RBPJ: variants seen among roughly 807,000 people sequenced by gnomAD.
RBPJ encodes recombining binding protein suppressor of hairless.
Under a neutral mutation model 67.8 loss-of-function variants are expected in RBPJ, and 9 were observed. The ratio of observed to expected loss-of-function variants is 0.13; its 90% CI spans 0.08 to 0.23. RBPJ has a LOEUF of 0.23. RBPJ is among the 10% of genes least tolerant of loss of function. The pLI, the probability that RBPJ is intolerant of heterozygous loss-of-function variation, is 1.00. For missense variants in RBPJ, 305 were observed against 595.6 expected, an observed-to-expected ratio of 0.51 and a Z score of 5.08; for synonymous variants, 198 against 203.3, an observed-to-expected ratio of 0.97 and a Z score of 0.22.
At position 26,214,232 on chromosome 4, in the gene RBPJ, A is replaced by G. The variant is rs184619467; in HGVS notation, c.-167+50618A>G. On this transcript the variant is annotated intron_variant, in intron 1 of 4. Transcript: ENST00000512351. ...GAGAAAGAAAGCAAAGGAAGGAGAGAAAGAAAGAGAAAAGGGAGAAAAGAG... is the reference window on the plus strand; with the variant it reads ...GAGAAAGAAAGCAAAGGAAGGAGAGGAAGAAAGAGAAAAGGGAGAAAAGAG... Among the ~76,000 whole-genome samples, 262 of 142,980 alleles carry G rather than the reference A, an allele frequency of 1.8e-3. 1 individual carries two copies. The highest frequency in any genetic ancestry group is 6.3e-3 in the African/African-American group (240 of 37,868). The allele number at this position is 142,980 out of a possible 152,430, so 93.8% of individuals were successfully genotyped here. A position where few individuals can be genotyped will look rare whatever the true frequency, so the allele number is the denominator to read the frequency against.
the RBPJ span, among the ~76,000 whole-genome samples, chr4:26,124,415 CATATATATATATATATATATATATAT>C: frequency 0.093 from 5,785 of 62,472 alleles, 502 homozygotes; most frequent in African/African-American, 0.15. Context: ...AGTATTCCAT[CATATATATATATATATATATATATAT>C]ATATATATAT....
At chr4:26,183,749 C>T (rs982948859) in intron 1 of RBPJ, among the ~76,000 whole-genome samples, 3 of 152,182 alleles carry the variant, frequency 2.0e-5, no homozygotes, top group Non-Finnish European at 4.4e-5. Flanking sequence ...GTCGCTCACG[C>T]CTGTAATCCC....
chr4:26,153,895 C>G, the RBPJ span, among the ~76,000 whole-genome samples: 1 of 152,100 alleles, frequency 6.6e-6, no homozygotes, highest in South Asian at 2.1e-4. Flanking sequence ...TTGCAGTGAG[C>G]TGAGATCGTG....
chr4:26,310,102 C>T (rs1722381479), intron 1 of RBPJ, among the ~76,000 whole-genome samples: 1 of 152,140 alleles, frequency 6.6e-6, no homozygotes. Flanking sequence ...GCCAAAAAAT[C>T]CTGTGAAAAA....
chr4:26,237,643 T>G (rs1331648405), intron 1 of RBPJ, among the ~76,000 whole-genome samples: 1 of 152,188 alleles, frequency 6.6e-6, no homozygotes, highest in Non-Finnish European at 1.5e-5. Context: ...GGGGGTTGAA[T>G]CCAGCATTGC....
chr4:26,218,856 C>T (rs765004591), intron 1 of RBPJ, among the ~76,000 whole-genome samples: 1 of 152,068 alleles, frequency 6.6e-6, no homozygotes, highest in African/African-American at 2.4e-5. Context: ...AGGGCCCTAA[C>T]GAGAAACAGG....
intron 5 of RBPJ, among the ~76,000 whole-genome samples, chr4:26,421,122 C>T (rs894544432): frequency 3.3e-5 from 5 of 152,138 alleles, no homozygotes; most frequent in African/African-American, 1.2e-4. Context: ...CTTTGAAAAA[C>T]GCTACCAACT....
At chr4:26,164,481 C>A (rs2109109575) in intron 1 of RBPJ, among the ~76,000 whole-genome samples, 1 of 152,310 alleles carries the variant, frequency 6.6e-6, no homozygotes, top group East Asian at 1.9e-4. Flanking sequence ...GGTCACAAGT[C>A]CCCATGTACC....
At position 26,263,505 on chromosome 4, in the gene RBPJ, G is replaced by A. The variant is rs16878219; in HGVS notation, c.-166-98941G>A. 6.5e-3 allele frequency among the ~76,000 whole-genome samples: 994 copies of A among 152,302 alleles called. 17 individuals are homozygous for A. Among genetic ancestry groups the A allele is most frequent in the African/African-American group, 0.023 (937 of 41,558 alleles). ...ACCTTGCTACAATTGTTATTTTCCAGTTATTTGTGCAATTACATGATTGTT... is the reference window on the plus strand; with the variant it reads ...ACCTTGCTACAATTGTTATTTTCCAATTATTTGTGCAATTACATGATTGTT... On this transcript the variant is annotated intron_variant, in intron 1 of 4. Transcript: ENST00000512351.
intron 1 of RBPJ, among the ~76,000 whole-genome samples, chr4:26,235,664 C>T (rs1462700503): frequency 3.3e-5 from 5 of 152,242 alleles, no homozygotes; most frequent in Non-Finnish European, 2.9e-5. Flanking sequence ...ATGATGCCCT[C>T]TAGCTGTTCC....
chr4:26,270,822 T>A (rs767826792), intron 1 of RBPJ, among the ~76,000 whole-genome samples: 3 of 152,098 alleles, frequency 2.0e-5, no homozygotes, highest in Non-Finnish European at 4.4e-5. Flanking sequence ...ACAAATTTAT[T>A]ACATGCACAG....
chr4:26,315,509 CAG>C (rs746604092), upstream of RBPJ, among the ~76,000 whole-genome samples: 16 of 152,016 alleles, frequency 1.1e-4, no homozygotes, highest in Non-Finnish European at 2.4e-4. Flanking sequence ...TCTGAGGAAA[CAG>C]GGCAAGGACA....
At chr4:26,349,974 C>G (rs1441953267) in intron 1 of RBPJ, among the ~76,000 whole-genome samples, 2 of 152,184 alleles carry the variant, frequency 1.3e-5, no homozygotes, top group Admixed American at 1.3e-4. Flanking sequence ...AATGCTCTCA[C>G]TGTTATTTCA....
At chr4:26,280,072 C>A (rs1003691656) in intron 1 of RBPJ, among the ~76,000 whole-genome samples, 4 of 150,870 alleles carry the variant, frequency 2.7e-5, no homozygotes, top group African/African-American at 9.7e-5. Flanking sequence ...CAGGCATGAG[C>A]CACCGTGCCC....
Position 26,424,754 on chromosome 4 carries a change from A to T in RBPJ, c.747+11A>T, listed in dbSNP as rs758426515. On this transcript the variant is annotated intron_variant, in intron 7 of 10. Coordinates refer to ENST00000355476, the MANE Select transcript of RBPJ (RefSeq NM_015874.6). This position sits in a 1 kb window ranked among gnomAD's most constrained non-coding sequence, Gnocchi z 5.3. Reference sequence around the variant, plus strand: ...GCACTCCCAAGATTGGTATGGCTCTACTTTTGCTTTAGTGATAATGTGAAG... The same window carrying T: ...GCACTCCCAAGATTGGTATGGCTCTTCTTTTGCTTTAGTGATAATGTGAAG... The T allele has an allele frequency of 2.0e-6, 3 of 1,500,822 alleles. No homozygotes were observed. The highest frequency in any genetic ancestry group is 2.8e-6 in the Non-Finnish European group (3 of 1,088,292). 93.0% of individuals were successfully genotyped at this position (1,500,822 alleles called of 1,614,324 possible). A position where few individuals can be genotyped will look rare whatever the true frequency, so the allele number is the denominator to read the frequency against.
the RBPJ span, among the ~76,000 whole-genome samples, chr4:26,145,295 T>C: frequency 3.9e-5 from 6 of 152,142 alleles, no homozygotes; most frequent in African/African-American, 1.2e-4. Flanking sequence ...TTCATAGCCA[T>C]TTAGTGTTTA....
upstream of RBPJ, among the ~76,000 whole-genome samples, chr4:26,315,713 G>C (rs183437966): frequency 1.3e-5 from 2 of 152,144 alleles, no homozygotes; most frequent in Non-Finnish European, 2.9e-5. Context: ...GGTACTGCAG[G>C]GGACCAGGGC....
rs1367586864 is a variant in RBPJ, at chr4:26,432,604, A to G, written c.*1597A>G. 6.6e-6 allele frequency: 1 copy of G among 152,186 alleles called. No homozygotes were observed. The highest frequency in any genetic ancestry group is 1.5e-5 in the Non-Finnish European group (1 of 68,034). 9.4% of individuals were successfully genotyped at this position (152,186 alleles called of 1,614,324 possible). A position where few individuals can be genotyped will look rare whatever the true frequency, so the allele number is the denominator to read the frequency against. The stretch of plus-strand genomic sequence containing the variant: ...TATGCCTTTGTTTGGTTTCTTCGAA[A>G]TTGCAGCAGACTCATTGGGCTACAT... On this transcript the variant is annotated 3_prime_UTR_variant, in exon 11 of 11. Coordinates refer to ENST00000355476, the MANE Select transcript of RBPJ (RefSeq NM_015874.6).
intron 1 of RBPJ, among the ~76,000 whole-genome samples, chr4:26,333,288 T>TCAAAACTATTTCAAAAACTAC (rs1476285089): frequency 6.6e-6 from 1 of 152,206 alleles, no homozygotes; most frequent in Non-Finnish European, 1.5e-5. Flanking sequence ...CGATTCTATT[T>TCAAAACTATTTCAAAAACTAC]TAAAAATTTC....
Sources: gnomAD v4.1 joint callset for allele counts (sites outside exome capture counted in the v4.1 genomes callset) on GRCh38, gnomAD v4.1.1 for gene constraint, Gnocchi (gnomAD v3.1) non-coding constraint, MANE v1.5 for transcripts, NCBI Gene and HGNC (gene_info 2026-07-23, HGNC 2026-07-21) for gene names.